PCDHGA4: variants seen among roughly 807,000 people sequenced by gnomAD.
PCDHGA4 encodes protocadherin gamma subfamily A, 4.
A neutral mutation model predicts 54.6 loss-of-function variants in PCDHGA4; 38 were observed. The ratio of observed to expected loss-of-function variants is 0.70; its 90% confidence interval spans 0.54 to 0.91. The LOEUF is 0.91. Ranked by LOEUF, PCDHGA4 falls within the 40% of genes least tolerant of loss-of-function variation. The pLI is 0.00. For synonymous variants in PCDHGA4, 511 were observed against 512.9 expected (o/e 1.00, Z 0.05); for missense variants, 1,298 against 1,220.9 (o/e 1.06, Z -0.94).
rs372326132 is a variant in PCDHGA4 at position 141,486,185 on chromosome 5, G to A, written c.2515-8622G>A. On this transcript the variant is annotated intron_variant, in intron 1 of 3. Coordinates refer to ENST00000571252, the MANE Select transcript of PCDHGA4 (RefSeq NM_018917.4). The surrounding 1 kb of genome is among the most constrained non-coding windows in gnomAD (Gnocchi z 5.0). ...CATGGAGCAACATTGCAGCCTTCGAGTGGATCTGCTGGACGTAAATGACAA... is the reference window on the plus strand; with the variant it reads ...CATGGAGCAACATTGCAGCCTTCGAATGGATCTGCTGGACGTAAATGACAA... 42 of 1,614,108 alleles carry A rather than the reference G, an allele frequency of 2.6e-5. No homozygotes were observed. The highest frequency in any genetic ancestry group is 3.4e-5 in the Non-Finnish European group (40 of 1,180,048).
intron 1 of PCDHGA4, chr5:141,423,762 G>T: frequency 2.3e-5 from 6 of 264,236 alleles, no homozygotes; most frequent in Non-Finnish European, 3.4e-5. Context: ...GGGGGGGGGT[G>T]GGGCGGCATA....
intron 1 of PCDHGA4, chr5:141,389,520 C>T: frequency 6.2e-7 from 1 of 1,613,184 alleles, no homozygotes; most frequent in Non-Finnish European, 8.5e-7. Flanking sequence ...GAACGTGAGC[C>T]TGCGCGTGTT....
intron 1 of PCDHGA4, chr5:141,384,813 C>G: frequency 6.2e-7 from 1 of 1,613,412 alleles, no homozygotes. Flanking sequence ...GAGATGCCCT[C>G]AAGCAGAGCC....
intron 3 of PCDHGA4, 157 bp downstream of exon 3, chr5:141,505,638 T>C: frequency 1.0e-6 from 1 of 968,044 alleles, no homozygotes; most frequent in Non-Finnish European, 1.2e-6. Context: ...ACATAAAGCC[T>C]GGAATTGTGG....
intron 1 of PCDHGA4, chr5:141,375,639 CCTTCGACTA>C (rs1771695189): frequency 6.2e-6 from 10 of 1,614,244 alleles, no homozygotes; most frequent in Non-Finnish European, 8.5e-6. Flanking sequence ...GCCCTGCGCT[CCTTCGACTA>C]TGAGCAGTTG....
At chr5:141,410,340 T>C (rs1408707323) in intron 1 of PCDHGA4, 5 of 1,614,068 alleles carry the variant, frequency 3.1e-6, no homozygotes, top group Non-Finnish European at 2.5e-6. Context: ...GCCATTGCCT[T>C]GCGCCTGCGA....
At chr5:141,419,728 A>T (rs2096421858) in intron 1 of PCDHGA4, 1 of 1,613,466 alleles carries the variant, frequency 6.2e-7, no homozygotes. Flanking sequence ...GGCTGCGAAC[A>T]GGCGAGGTGC....
intron 1 of PCDHGA4, among the ~76,000 whole-genome samples, chr5:141,481,994 A>AG (rs2099550091): frequency 1.3e-5 from 2 of 151,258 alleles, no homozygotes; most frequent in African/African-American, 4.9e-5. Context: ...TTGAAGCAGG[A>AG]GAATCGCTTT....
intron 1 of PCDHGA4, among the ~76,000 whole-genome samples, chr5:141,488,007 G>A (rs1269050547): frequency 6.6e-6 from 1 of 152,178 alleles, no homozygotes; most frequent in African/African-American, 2.4e-5. Flanking sequence ...ATCAGATTCT[G>A]AAGTACCTTA....
In PCDHGA4 at chr5:141,489,522, C is replaced by T. The variant is rs371948070; in HGVS notation, c.2515-5285C>T. 2.5e-6 allele frequency: 4 copies of T among 1,614,088 alleles called. No individual in the cohort carries two copies. Among genetic ancestry groups the T allele is most frequent in the Non-Finnish European group, 3.4e-6 (4 of 1,180,036 alleles). On this transcript the variant is annotated intron_variant, in intron 1 of 3. Coordinates refer to ENST00000571252, the MANE Select transcript of PCDHGA4 (RefSeq NM_018917.4). The surrounding 1 kb of genome is among the most constrained non-coding windows in gnomAD (Gnocchi z 4.5). ...TGAATCAAAAGATTGACCGAGAAAG[C>T]CTATGTGGAGCCAGCACCAGCTGCC...
intron 1 of PCDHGA4, chr5:141,383,689 G>T (rs773858539): frequency 1.9e-6 from 3 of 1,614,036 alleles, no homozygotes; most frequent in Non-Finnish European, 2.5e-6. Flanking sequence ...ACTGCTCACG[G>T]TACATGCTAT....
chr5:141,371,950 C>T (rs749822569), intron 1 of PCDHGA4: 2 of 1,613,286 alleles, frequency 1.2e-6, no homozygotes, highest in Non-Finnish European at 1.7e-6. Context: ...GCGCAGCGAG[C>T]CTTCGACCAC....
At position 141,486,169 on chromosome 5, in the gene PCDHGA4, A is replaced by G. The variant is rs2099625537; in HGVS notation, c.2515-8638A>G. The G allele has an allele frequency of 1.2e-6, 2 of 1,614,088 alleles. No individual in the cohort carries two copies. Among genetic ancestry groups the G allele is most frequent in the East Asian group, 2.2e-5 (1 of 44,890 alleles). On this transcript the variant is annotated intron_variant, in intron 1 of 3. Transcript: ENST00000571252. The surrounding 1 kb of genome is among the most constrained non-coding windows in gnomAD (Gnocchi z 5.0). ...ATGGGGGTTCTCCAGCCATGGAGCA[A>G]CATTGCAGCCTTCGAGTGGATCTGC...
chr5:141,417,905 G>A (rs1462731893), intron 1 of PCDHGA4: 1 of 1,593,646 alleles, frequency 6.3e-7, no homozygotes, highest in Admixed American at 1.8e-5. Flanking sequence ...CCCGCGGCAG[G>A]TACTATTTCC....
At chr5:141,380,599 A>G (rs1427125974) in intron 1 of PCDHGA4, among the ~76,000 whole-genome samples, 3 of 152,234 alleles carry the variant, frequency 2.0e-5, no homozygotes, top group Non-Finnish European at 2.9e-5. Context: ...GATCTTTAAT[A>G]TTTAATTTTA....
chr5:141,356,761 G>A lies in PCDHGA4; in HGVS notation c.1654G>A (p.Asp552Asn), dbSNP rs778228688. The A allele has an allele frequency of 2.5e-6, 4 of 1,613,674 alleles. No homozygotes were observed. Among genetic ancestry groups the A allele is most frequent in the East Asian group, 2.2e-5 (1 of 44,882 alleles). The stretch of plus-strand genomic sequence containing the variant: ...GATCCTATATGCTCTTTGCTCCTTC[G>A]ACTATGAGCAGTTTAGAGACCTGCA... ...TGILYALCSF[D>N]YEQFRDLQLL... The change falls in exon 1 of 4, where the codon GAC becomes AAC. Residue 552 changes from aspartate to asparagine, a missense_variant. By Grantham distance (23) the Asp-to-Asn change is conservative (BLOSUM62 1). Transcript: ENST00000571252.
chr5:141,394,674 C>G lies in PCDHGA4; in HGVS notation c.2514+37053C>G. ...CGAGCCGGGACTCTTCTCGGTGGGT[C>G]TGCACACGGGCGAGGTGCGCACGGC... On this transcript the variant is annotated intron_variant, in intron 1 of 3. Transcript: ENST00000571252. 1 of 1,612,758 alleles carries G rather than the reference C, an allele frequency of 6.2e-7. No individual in the cohort carries two copies. The highest frequency in any genetic ancestry group is 8.5e-7 in the Non-Finnish European group (1 of 1,179,752).
chr5:141,392,706 C>T (rs2092579718), intron 1 of PCDHGA4: 1 of 1,289,828 alleles, frequency 7.8e-7, no homozygotes, highest in South Asian at 1.6e-5. Flanking sequence ...TGTTTGGAGG[C>T]ACTCCAGGTT....
intron 2 of PCDHGA4, among the ~76,000 whole-genome samples, chr5:141,498,338 G>T (rs2237079): frequency 2.6e-5 from 4 of 151,600 alleles, no homozygotes; most frequent in Non-Finnish European, 5.9e-5. Flanking sequence ...CATTCCAAAT[G>T]GGAAAAGCCT....
Sources: gnomAD v4.1 joint callset for allele counts (sites outside exome capture counted in the v4.1 genomes callset) on GRCh38, gnomAD v4.1.1 for gene constraint, Gnocchi (gnomAD v3.1) non-coding constraint, MANE v1.5 for transcripts, NCBI Gene and HGNC (gene_info 2026-07-23, HGNC 2026-07-21) for gene names.